MACROD2: variants seen among roughly 807,000 people sequenced by gnomAD.
The protein encoded by MACROD2 is ADP-ribose glycohydrolase MACROD2.
Under a neutral mutation model 70.4 loss-of-function variants are expected in MACROD2, and 36 were observed. That is an observed-to-expected ratio of 0.51 (90% confidence interval 0.39 to 0.68). MACROD2 has a LOEUF of 0.68. Among genes scored for constraint, MACROD2 ranks in the 30% least tolerant of loss-of-function variants. MACROD2 has a pLI of 0.00. For missense variants in MACROD2, 496 were observed against 538.4 expected (o/e 0.92, Z 0.78); for synonymous variants, 172 against 178.8 (o/e 0.96, Z 0.30).
chr20:14,946,955 C>CAT (rs1344778343), intron 5 of MACROD2, among the ~76,000 whole-genome samples: 1 of 152,094 alleles, frequency 6.6e-6, no homozygotes, highest in Admixed American at 6.6e-5. Flanking sequence ...AACACATACA[C>CAT]ATATATATTT....
chr20:14,853,630 T>G (rs902435692), intron 5 of MACROD2, among the ~76,000 whole-genome samples: 9 of 152,176 alleles, frequency 5.9e-5, no homozygotes, highest in Admixed American at 2.6e-4. Context: ...TTTTCTTTTT[T>G]TCTCCTCTTT....
At chr20:14,815,629 G>T (rs575233139) in intron 5 of MACROD2, among the ~76,000 whole-genome samples, 102 of 151,972 alleles carry the variant, frequency 6.7e-4, no homozygotes, top group African/African-American at 2.1e-3. Flanking sequence ...TAAATACTAG[G>T]CTAATTATTC....
At chr20:15,478,876 T>C (rs1229519958) in intron 7 of MACROD2, among the ~76,000 whole-genome samples, 1 of 152,156 alleles carries the variant, frequency 6.6e-6, no homozygotes, top group Non-Finnish European at 1.5e-5. Flanking sequence ...AAATGCAAGT[T>C]GTCACCAGGC....
At chr20:14,134,767 T>A (rs2054769427) in intron 3 of MACROD2, among the ~76,000 whole-genome samples, 1 of 126,556 alleles carries the variant, frequency 7.9e-6, no homozygotes. Flanking sequence ...ATCGCGCTAC[T>A]GCACTCCCGC....
intron 8 of MACROD2, among the ~76,000 whole-genome samples, chr20:15,506,305 G>A (rs531735162): frequency 1.3e-5 from 2 of 152,310 alleles, no homozygotes; most frequent in Non-Finnish European, 2.9e-5. Context: ...AACTGCTGAA[G>A]AAGCTGAACA....
intron 3 of MACROD2, among the ~76,000 whole-genome samples, chr20:14,411,973 C>T (rs1404935395): frequency 6.6e-6 from 1 of 152,144 alleles, no homozygotes; most frequent in Non-Finnish European, 1.5e-5. Context: ...TTCTTTCAAT[C>T]TGTATTTTCT....
intron 2 of MACROD2, among the ~76,000 whole-genome samples, chr20:14,054,786 A>G (rs1004316090): frequency 5.3e-5 from 8 of 152,184 alleles, no homozygotes; most frequent in African/African-American, 1.9e-4. Flanking sequence ...GAACAATTTC[A>G]ATGGGGCCAG....
chr20:15,649,732 G>T (rs1373095038), intron 8 of MACROD2, among the ~76,000 whole-genome samples: 1 of 152,114 alleles, frequency 6.6e-6, no homozygotes, highest in Non-Finnish European at 1.5e-5. Flanking sequence ...TTTTGAGGAG[G>T]GGATCTTTGG....
At chr20:15,830,887 G>C (rs575915167) in intron 8 of MACROD2, among the ~76,000 whole-genome samples, 1 of 152,284 alleles carries the variant, frequency 6.6e-6, no homozygotes, top group South Asian at 2.1e-4. Flanking sequence ...TAACACATTA[G>C]AAGTTGATGT....
At chr20:14,336,366 TA>T (rs1449179176) in intron 3 of MACROD2, among the ~76,000 whole-genome samples, 1 of 151,944 alleles carries the variant, frequency 6.6e-6, no homozygotes, top group Non-Finnish European at 1.5e-5. Context: ...AATAAAATAA[TA>T]AAAACAAACC....
Position 15,005,383 on chromosome 20 carries a change from G to GACTTGTTCTGTACAC in MACROD2, c.419-224549_419-224548insTGTACACACTTGTTC, listed in dbSNP as rs774535785. On this transcript the variant is annotated intron_variant, in intron 5 of 17. Transcript: ENST00000684519. ...GAAACTTCCAAGTGTCCTCTGTACA[G>GACTTGTTCTGTACAC]ACTTGTTCAAGTGGGAGTTCATAAG... is the stretch of plus-strand genomic sequence containing the variant. Among the ~76,000 whole-genome samples the GACTTGTTCTGTACAC allele has an allele frequency of 1.1e-4, 17 of 152,270 alleles. 1 individual carries two copies. Among genetic ancestry groups the GACTTGTTCTGTACAC allele is most frequent in the Admixed American group, 2.0e-4 (3 of 15,288 alleles).
chr20:14,041,823 CCTCT>C (rs780552662), intron 2 of MACROD2, among the ~76,000 whole-genome samples: 5 of 152,108 alleles, frequency 3.3e-5, no homozygotes, highest in Non-Finnish European at 7.4e-5. Context: ...TCTGTCTGTT[CCTCT>C]CTCTTCTTTA....
At chr20:14,190,690 ATATATATATTTTTTTTTTTTT>A (rs1396736704) in intron 3 of MACROD2, among the ~76,000 whole-genome samples, 2 of 42,218 alleles carry the variant, frequency 4.7e-5, no homozygotes, top group African/African-American at 1.0e-4. Context: ...ATATATATAT[ATATATATATTTTTTTTTTTTT>A]TTTTTTTTTT....
At chr20:14,748,814 G>A (rs1439637089) in intron 5 of MACROD2, among the ~76,000 whole-genome samples, 1 of 151,994 alleles carries the variant, frequency 6.6e-6, no homozygotes, top group African/African-American at 2.4e-5. Context: ...TTAGGTAGGA[G>A]GCAGGAATGG....
chr20:15,506,273 G>A (rs6135425), intron 8 of MACROD2, among the ~76,000 whole-genome samples: 76,807 of 152,038 alleles, frequency 0.51, 20,611 homozygotes, highest in East Asian at 0.68. Context: ...TTGCCTTCCA[G>A]TATTCAGGCA....
chr20:14,514,909 C>G (rs997207744), intron 4 of MACROD2, among the ~76,000 whole-genome samples: 1 of 152,006 alleles, frequency 6.6e-6, no homozygotes, highest in African/African-American at 2.4e-5. Flanking sequence ...AAAGAAAAAT[C>G]CAGACAAGTT....
At chr20:14,301,291 A>T (rs1451954205) in intron 3 of MACROD2, among the ~76,000 whole-genome samples, 1 of 152,208 alleles carries the variant, frequency 6.6e-6, no homozygotes, top group Non-Finnish European at 1.5e-5. Flanking sequence ...GAAAGGTGCC[A>T]TGGCATCTCA....
intron 8 of MACROD2, among the ~76,000 whole-genome samples, chr20:15,602,409 G>T (rs560876035): frequency 6.6e-6 from 1 of 152,258 alleles, no homozygotes; most frequent in South Asian, 2.1e-4. Flanking sequence ...CAGTTTTACT[G>T]CCCTCCCTTC....
intron 10 of MACROD2, among the ~76,000 whole-genome samples, chr20:15,902,825 GACA>G (rs1322895746): frequency 1.3e-5 from 2 of 152,148 alleles, no homozygotes; most frequent in African/African-American, 2.4e-5. Context: ...CTGACATTGT[GACA>G]ACAACTTCAT....
Sources: allele counts gnomAD v4.1 joint callset (sites outside exome capture counted in the v4.1 genomes callset), GRCh38; gene constraint gnomAD v4.1.1; transcripts MANE v1.5; gene names NCBI Gene and HGNC (gene_info 2026-07-23, HGNC 2026-07-21).